SPATA31H1: variants seen among roughly 807,000 people sequenced by gnomAD.
SPATA31H1 encodes spermatogenesis-associated protein 31H1.
At chr2:27,549,709 T>TGAGGTAGGAGAATCACTTGAGCCTGG in the SPATA31H1 span, among the ~76,000 whole-genome samples, 2 of 151,874 alleles carry the variant, frequency 1.3e-5, no homozygotes, top group East Asian at 3.9e-4. Context: ...CTTGGGAGGC[T>TGAGGTAGGAGAATCACTTGAGCCTGG]GAGGTAGGAG....
chr2:27,570,483 G>A, the SPATA31H1 span: 1 of 398,806 alleles, frequency 2.5e-6, no homozygotes, highest in African/African-American at 2.1e-5. Context: ...TTTTGTAGAG[G>A]TGGTTCCAAA....
At chr2:27,577,093 C>A in the SPATA31H1 span, 2 of 1,614,156 alleles carry the variant, frequency 1.2e-6, no homozygotes, top group Admixed American at 1.7e-5. This position sits in a 1 kb window ranked among gnomAD's most constrained non-coding sequence, Gnocchi z 4.5. Context: ...GGCATAGATA[C>A]TGTAGAGAAA....
At chr2:27,582,605 A>G in the SPATA31H1 span, 7 of 1,408,280 alleles carry the variant, frequency 5.0e-6, no homozygotes, top group East Asian at 1.6e-4. Flanking sequence ...CTGCTCAGCC[A>G]CTGCCTCCAA....
chr2:27,537,991 G>A, the SPATA31H1 span, among the ~76,000 whole-genome samples: 1 of 152,024 alleles, frequency 6.6e-6, no homozygotes, highest in Admixed American at 6.6e-5. Context: ...GGAAGGCAGT[G>A]GAAACCTTTT....
At chr2:27,557,764 G>C in the SPATA31H1 span, among the ~76,000 whole-genome samples, 38 of 31,094 alleles carry the variant, frequency 1.2e-3, no homozygotes, top group African/African-American at 2.0e-3. Flanking sequence ...CCAGGCGGGG[G>C]GCTGATCCCC....
At chr2:27,569,946 T>C in the SPATA31H1 span, 1 of 398,758 alleles carries the variant, frequency 2.5e-6, no homozygotes, top group African/African-American at 2.1e-5. Context: ...TGGTGTGAAA[T>C]CTGATGAATT....
At chr2:27,547,075 G>A in the SPATA31H1 span, among the ~76,000 whole-genome samples, 1 of 151,632 alleles carries the variant, frequency 6.6e-6, no homozygotes, top group East Asian at 1.9e-4. Context: ...TCTCTGTTTT[G>A]TTACATTGGT....
chr2:27,553,605 C>G, the SPATA31H1 span, among the ~76,000 whole-genome samples: 1 of 152,072 alleles, frequency 6.6e-6, no homozygotes, highest in Non-Finnish European at 1.5e-5. Flanking sequence ...AACCAAGGCA[C>G]TTCTTCAAAA....
At chr2:27,561,732 C>A in the SPATA31H1 span, among the ~76,000 whole-genome samples, 4 of 151,958 alleles carry the variant, frequency 2.6e-5, no homozygotes, top group African/African-American at 9.7e-5. Flanking sequence ...GACAGGGTTT[C>A]GCTCTTTCAC....
the SPATA31H1 span, chr2:27,579,037 C>T: frequency 1.6e-4 from 252 of 1,614,098 alleles, 3 homozygotes; most frequent in East Asian, 5.5e-3. Flanking sequence ...GATGTAATAT[C>T]TAAAGAGACA....
chr2:27,554,370 G>A, the SPATA31H1 span, among the ~76,000 whole-genome samples: 129 of 151,932 alleles, frequency 8.5e-4, no homozygotes, highest in Non-Finnish European at 1.6e-3. Flanking sequence ...GTCCATTCAG[G>A]TTTCTGTAAC....
At chr2:27,574,136 A>G in the SPATA31H1 span, 6 of 398,526 alleles carry the variant, frequency 1.5e-5, no homozygotes, top group Admixed American at 8.8e-5. Flanking sequence ...AAGGAGTGAA[A>G]TCTTCTGAGT....
the SPATA31H1 span, chr2:27,578,382 G>C: frequency 6.2e-7 from 1 of 1,614,142 alleles, no homozygotes; most frequent in Non-Finnish European, 8.5e-7. Flanking sequence ...CGTAAAATCT[G>C]AGGAGTTAGC....
chr2:27,544,848 G>A, the SPATA31H1 span, among the ~76,000 whole-genome samples: 2 of 151,594 alleles, frequency 1.3e-5, no homozygotes, highest in Non-Finnish European at 2.9e-5. Flanking sequence ...TCATCCGGCC[G>A]ACAACAACAA....
At chr2:27,559,107 T>C in the SPATA31H1 span, among the ~76,000 whole-genome samples, 3 of 152,236 alleles carry the variant, frequency 2.0e-5, no homozygotes, top group Non-Finnish European at 2.9e-5. Flanking sequence ...TTTTATTTAA[T>C]ACCAGAGATT....
At chr2:27,579,437 G>C in the SPATA31H1 span, 2 of 1,614,094 alleles carry the variant, frequency 1.2e-6, no homozygotes, top group Non-Finnish European at 1.7e-6. Flanking sequence ...AGCCTTCTGT[G>C]GTCAAAAACT....
At chr2:27,560,802 TCAGTC>T in the SPATA31H1 span, among the ~76,000 whole-genome samples, 1 of 152,124 alleles carries the variant, frequency 6.6e-6, no homozygotes, top group Non-Finnish European at 1.5e-5. Flanking sequence ...GCACCATCAA[TCAGTC>T]CAGGACCACT....
the SPATA31H1 span, chr2:27,578,702 G>C: frequency 8.6e-5 from 139 of 1,614,060 alleles, 2 homozygotes; most frequent in South Asian, 1.4e-3. Flanking sequence ...ACGTGTGTCA[G>C]AATAGGGACT....
the SPATA31H1 span, among the ~76,000 whole-genome samples, chr2:27,555,481 G>A: frequency 6.6e-6 from 1 of 151,622 alleles, no homozygotes; most frequent in Non-Finnish European, 1.5e-5. Context: ...AGACCAGCAT[G>A]GGAAACACAG....
Sources: allele counts gnomAD v4.1 joint callset (sites outside exome capture counted in the v4.1 genomes callset), GRCh38; gene constraint gnomAD v4.1.1; non-coding constraint Gnocchi (gnomAD v3.1); transcripts MANE v1.5; gene names NCBI Gene and HGNC (gene_info 2026-07-23, HGNC 2026-07-21).